Variants in HEG1 observed in about 807,000 individuals in gnomAD.
HEG1 encodes the protein protein HEG homolog 1.
In HEG1, 56 loss-of-function variants were observed where a neutral mutation model predicts 125.6. The observed-to-expected ratio is 0.45, with a 90% confidence interval of 0.36 to 0.56. The LOEUF is 0.56. Among genes scored for constraint, HEG1 ranks in the 20% least tolerant of loss-of-function variants. HEG1 has a pLI of 0.00. For missense variants in HEG1, 1,523 were observed against 1,670.0 expected (o/e 0.91, Z 1.53); for synonymous variants, 644 against 668.5 (o/e 0.96, Z 0.57).
At chr3:125,017,737 A>G (rs1437136780) in intron 5 of HEG1, among the ~76,000 whole-genome samples, 1 of 152,104 alleles carries the variant, frequency 6.6e-6, no homozygotes, top group Non-Finnish European at 1.5e-5. Flanking sequence ...TTGAAAATTT[A>G]TGGCCAGGCA....
At chr3:124,989,365 A>G (rs983241667) in intron 14 of HEG1, among the ~76,000 whole-genome samples, 4 of 152,220 alleles carry the variant, frequency 2.6e-5, no homozygotes, top group Non-Finnish European at 5.9e-5. Flanking sequence ...CACATTAAAT[A>G]AAATCATGTC....
rs183032543 is a variant in HEG1 at position 125,038,122 on chromosome 3, C to A, written c.317-8634G>T. The stretch of plus-strand genomic sequence containing the variant: ...AATCAATCAAAGCTCAGTGTCCTAA[C>A]CCTTCTTCAGGTAGTGGACCACAGC... On this transcript the variant is annotated intron_variant, in intron 1 of 16. Coordinates refer to ENST00000311127, the MANE Select transcript of HEG1 (RefSeq NM_020733.2). Among the ~76,000 whole-genome samples the A allele has an allele frequency of 3.7e-3, 562 of 152,346 alleles. 5 individuals are homozygous for A. The highest frequency in any genetic ancestry group is 0.013 in the African/African-American group (527 of 41,586).
intron 1 of HEG1, among the ~76,000 whole-genome samples, chr3:125,040,521 G>A (rs77718342): frequency 0.013 from 2,043 of 152,228 alleles, 33 homozygotes; most frequent in African/African-American, 0.046. Context: ...GGAATTGCCC[G>A]TTCCTGCCTC....
intron 14 of HEG1, among the ~76,000 whole-genome samples, chr3:124,986,366 G>A (rs979933359): frequency 6.6e-5 from 10 of 152,276 alleles, no homozygotes; most frequent in South Asian, 4.2e-4. Context: ...AATAATGGGA[G>A]TAATAGCGGT....
At chr3:125,019,166 C>A in intron 5 of HEG1, 96 bp downstream of exon 5, 1 of 1,021,134 alleles carries the variant, frequency 9.8e-7, no homozygotes. Flanking sequence ...CCACGCTAGG[C>A]CCTCATGCGT....
chr3:125,053,649 G>A (rs912544609), intron 1 of HEG1, among the ~76,000 whole-genome samples: 1 of 152,140 alleles, frequency 6.6e-6, no homozygotes, highest in Non-Finnish European at 1.5e-5. Context: ...TGCTTTCTGG[G>A]ATTCTCACAT....
At chr3:125,036,318 C>A (rs1240113020) in intron 1 of HEG1, among the ~76,000 whole-genome samples, 1 of 141,674 alleles carries the variant, frequency 7.1e-6, no homozygotes. Flanking sequence ...CTGTCTAAAA[C>A]CAAAATTAAA....
intron 1 of HEG1, among the ~76,000 whole-genome samples, chr3:125,052,374 T>A (rs907564983): frequency 6.6e-6 from 1 of 152,166 alleles, no homozygotes; most frequent in Non-Finnish European, 1.5e-5. Context: ...GCGACAGCTA[T>A]TTAACAGCTC....
chr3:125,009,935 C>T (rs998561475), intron 7 of HEG1, 111 bp from the exon 8 acceptor site: 5 of 1,116,710 alleles, frequency 4.5e-6, no homozygotes, highest in Middle Eastern at 4.2e-4. Flanking sequence ...GTGGTGAGAC[C>T]CCAAAGGATA....
At chr3:125,008,015 T>G (rs936135826) in intron 8 of HEG1, among the ~76,000 whole-genome samples, 2 of 151,978 alleles carry the variant, frequency 1.3e-5, no homozygotes, top group African/African-American at 2.4e-5. Context: ...GTTCAAGCAA[T>G]TCTCATGCCT....
At chr3:124,983,561 C>T (rs1477578513) in intron 14 of HEG1, among the ~76,000 whole-genome samples, 2 of 149,648 alleles carry the variant, frequency 1.3e-5, no homozygotes, top group Admixed American at 6.7e-5. Flanking sequence ...TCTCAAATTT[C>T]TGGGCTCAAG....
At chr3:125,032,417 G>C (rs1469960395) in intron 1 of HEG1, among the ~76,000 whole-genome samples, 1 of 152,236 alleles carries the variant, frequency 6.6e-6, no homozygotes, top group Non-Finnish European at 1.5e-5. Flanking sequence ...GAGGCTTCCT[G>C]GAGGGGGAGG....
chr3:124,999,726 CCCATTTTCATATAAAG>C (rs1936973850), intron 11 of HEG1, among the ~76,000 whole-genome samples: 1 of 152,212 alleles, frequency 6.6e-6, no homozygotes, highest in Non-Finnish European at 1.5e-5. Flanking sequence ...CACGTAGAAT[CCCATTTTCATATAAAG>C]CCTGGCAATG....
intron 16 of HEG1, among the ~76,000 whole-genome samples, chr3:124,971,772 G>A (rs997773341): frequency 1.3e-5 from 2 of 149,560 alleles, no homozygotes; most frequent in African/African-American, 5.0e-5. Flanking sequence ...TTATAGGCGT[G>A]AGCCACTGCG....
At chr3:125,012,298 A>T (rs1273931010) in intron 6 of HEG1, among the ~76,000 whole-genome samples, 2 of 152,148 alleles carry the variant, frequency 1.3e-5, no homozygotes, top group Non-Finnish European at 2.9e-5. Context: ...ACCTCTGAGG[A>T]GTTAACGGCA....
chr3:125,014,721 G>C, intron 5 of HEG1: 1 of 1,271,710 alleles, frequency 7.9e-7, no homozygotes, highest in Non-Finnish European at 1.0e-6. Context: ...ACCTCCGAGT[G>C]CACTGGAGGC....
At chr3:125,045,037 G>A (rs1937640470) in intron 1 of HEG1, among the ~76,000 whole-genome samples, 1 of 152,256 alleles carries the variant, frequency 6.6e-6, no homozygotes, top group Admixed American at 6.5e-5. Context: ...AAGAGACGAA[G>A]ATGATGGTTT....
At chr3:124,984,240 G>T (rs1936702639) in intron 14 of HEG1, among the ~76,000 whole-genome samples, 1 of 152,186 alleles carries the variant, frequency 6.6e-6, no homozygotes, top group African/African-American at 2.4e-5. Context: ...CGGGAAGAGG[G>T]CTGTCAGTGG....
chr3:124,971,249 T>C (rs1203239701), intron 16 of HEG1: 2 of 445,050 alleles, frequency 4.5e-6, no homozygotes, highest in Non-Finnish European at 9.0e-6. Flanking sequence ...GTATCATAAA[T>C]AAGTTGCAGG....
Sources: gnomAD v4.1 joint callset for allele counts (sites outside exome capture counted in the v4.1 genomes callset) on GRCh38, gnomAD v4.1.1 for gene constraint, MANE v1.5 for transcripts, NCBI Gene and HGNC (gene_info 2026-07-23, HGNC 2026-07-21) for gene names.